Variants in PCBP3 observed in about 807,000 individuals in gnomAD.
The protein encoded by PCBP3 is poly(rC)-binding protein 3.
Under a neutral mutation model 52.7 loss-of-function variants are expected in PCBP3, and 25 were observed. The observed-to-expected ratio is 0.47, with a 90% CI of 0.35 to 0.66. The LOEUF is 0.66. Ranked by LOEUF, PCBP3 falls within the 30% of genes least tolerant of loss-of-function variation. The probability of loss-of-function intolerance (pLI) is 0.01; values close to 1 mark genes in which losing one functional copy is unlikely to be tolerated. For synonymous variants in PCBP3, 162 were observed against 183.0 expected, an observed-to-expected ratio of 0.89 and a Z score of 0.93; for missense variants, 391 against 490.3, an observed-to-expected ratio of 0.80 and a Z score of 1.91.
chr21:45,756,378 T>C (rs982587398), intron 4 of PCBP3, among the ~76,000 whole-genome samples: 2 of 152,176 alleles, frequency 1.3e-5, no homozygotes, highest in Admixed American at 1.3e-4. Flanking sequence ...TCCTCTAATG[T>C]AGGTCTTTTT....
At chr21:45,711,995 C>T (rs2083873092) in intron 2 of PCBP3, among the ~76,000 whole-genome samples, 1 of 152,146 alleles carries the variant, frequency 6.6e-6, no homozygotes, top group Non-Finnish European at 1.5e-5. Flanking sequence ...TTTGCCTTTT[C>T]CAGAATGTCA....
intron 9 of PCBP3, among the ~76,000 whole-genome samples, chr21:45,906,307 C>T (rs1046970834): frequency 2.0e-5 from 3 of 151,964 alleles, no homozygotes; most frequent in Admixed American, 2.0e-4. Flanking sequence ...GCCCTGAGGT[C>T]TTCGGCAGAT....
intron 4 of PCBP3, among the ~76,000 whole-genome samples, chr21:45,756,188 C>G (rs1394654614): frequency 6.6e-6 from 1 of 152,168 alleles, no homozygotes; most frequent in African/African-American, 2.4e-5. Context: ...ATTGTTTGTT[C>G]AGAGATCTGT....
intron 4 of PCBP3, among the ~76,000 whole-genome samples, chr21:45,810,218 C>CTGTGTGTG (rs149677854): frequency 0.056 from 8,277 of 148,060 alleles, 486 homozygotes; most frequent in African/African-American, 0.15. Flanking sequence ...TGATTCGATT[C>CTGTGTGTG]TGTGTGTGTG....
At chr21:45,727,712 G>A (rs897812600) in intron 2 of PCBP3, among the ~76,000 whole-genome samples, 1 of 152,170 alleles carries the variant, frequency 6.6e-6, no homozygotes, top group Non-Finnish European at 1.5e-5. Context: ...TGTGAGAGGA[G>A]GTGGTTGGGG....
At chr21:45,709,094 A>G (rs1040348479) in intron 2 of PCBP3, among the ~76,000 whole-genome samples, 2 of 152,242 alleles carry the variant, frequency 1.3e-5, no homozygotes, top group Non-Finnish European at 2.9e-5. Flanking sequence ...ACAACAGTCC[A>G]TGTCTTGCTG....
intron 4 of PCBP3, among the ~76,000 whole-genome samples, chr21:45,773,864 C>T (rs930230141): frequency 3.9e-5 from 6 of 152,156 alleles, no homozygotes; most frequent in African/African-American, 9.7e-5. Context: ...TTCGTATCCA[C>T]GAACATGGGA....
chr21:45,672,902 G>T (rs536470809), intron 2 of PCBP3, among the ~76,000 whole-genome samples: 1 of 152,158 alleles, frequency 6.6e-6, no homozygotes, highest in African/African-American at 2.4e-5. Context: ...GCCTAAGCCC[G>T]TGTCTTTCTG....
chr21:45,684,105 G>A (rs2082016534), intron 2 of PCBP3, among the ~76,000 whole-genome samples: 1 of 150,524 alleles, frequency 6.6e-6, no homozygotes, highest in Non-Finnish European at 1.5e-5. Context: ...GCACATGCCT[G>A]TAGTCCCAGC....
At chr21:45,730,005 C>A (rs1438059492) in intron 2 of PCBP3, among the ~76,000 whole-genome samples, 1 of 152,054 alleles carries the variant, frequency 6.6e-6, no homozygotes, top group African/African-American at 2.4e-5. Flanking sequence ...TTCAAGTGAT[C>A]TTCCCACTTT....
intron 4 of PCBP3, among the ~76,000 whole-genome samples, chr21:45,807,632 G>T (rs1194730512): frequency 6.6e-6 from 1 of 151,614 alleles, no homozygotes; most frequent in Non-Finnish European, 1.5e-5. Context: ...TAGATTCAGT[G>T]TTAGCTCCAT....
chr21:45,769,632 G>A (rs1036128954), intron 4 of PCBP3, among the ~76,000 whole-genome samples: 8 of 152,232 alleles, frequency 5.3e-5, no homozygotes, highest in Non-Finnish European at 8.8e-5. Context: ...CTGGGTTGGC[G>A]TGCAGGCCAG....
chr21:45,655,545 G>A (rs993830241), intron 1 of PCBP3, among the ~76,000 whole-genome samples: 1 of 152,092 alleles, frequency 6.6e-6, no homozygotes, highest in African/African-American at 2.4e-5. Context: ...TTTATGTACT[G>A]CTTATTGGCC....
At chr21:45,794,287 G>A (rs1036160695) in intron 4 of PCBP3, among the ~76,000 whole-genome samples, 2 of 152,174 alleles carry the variant, frequency 1.3e-5, no homozygotes, top group African/African-American at 2.4e-5. Context: ...GTAGTGGTGC[G>A]TGCATGTAGT....
chr21:45,900,512 G>A, intron 7 of PCBP3, 79 bp from the exon 8 acceptor site: 3 of 1,135,298 alleles, frequency 2.6e-6, no homozygotes, highest in Non-Finnish European at 2.7e-6. Context: ...GGGCCAGGCT[G>A]CTCCCCACCC....
At chr21:45,792,284 G>A (rs1050852985) in intron 4 of PCBP3, among the ~76,000 whole-genome samples, 8 of 152,284 alleles carry the variant, frequency 5.3e-5, no homozygotes, top group East Asian at 1.9e-4. Context: ...CAAGAGAACC[G>A]CTGGGGCAGC....
intron 2 of PCBP3, among the ~76,000 whole-genome samples, chr21:45,698,947 C>G (rs1375475304): frequency 6.6e-6 from 1 of 152,132 alleles, no homozygotes; most frequent in Non-Finnish European, 1.5e-5. Context: ...TAATGTTCTC[C>G]CAGCTATTCA....
rs193051322 is a variant in PCBP3 at position 45,695,568 on chromosome 21, C to G, written c.-200+26616C>G. On this transcript the variant is annotated intron_variant, in intron 2 of 17. Coordinates refer to ENST00000681687, the MANE Select transcript of PCBP3 (RefSeq NM_001384156.1). The stretch of plus-strand genomic sequence containing the variant: ...TCTGAGTTTCTTCCATTTCTTAGGA[C>G]TTTCCTTTACTGGCTTTTACATTTG... Among the ~76,000 whole-genome samples the G allele has an allele frequency of 2.6e-5, 4 of 152,306 alleles. No individual in the cohort carries two copies. In the East Asian group the frequency reaches 7.7e-4, roughly 29 times the overall value.
rs541081853 is a variant in PCBP3 at position 45,773,729 on chromosome 21, T to G, written c.-126+18277T>G. 4.7e-4 allele frequency among the ~76,000 whole-genome samples: 71 copies of G among 152,368 alleles called. 1 individual carries two copies. Among genetic ancestry groups the G allele is most frequent in the Middle Eastern group, 6.8e-3 (2 of 294 alleles). The stretch of plus-strand genomic sequence containing the variant: ...TTGCTTTAGCTATTTGTGCCCTTTT[T>G]TGGTTCCATATGGATTTTAGAATTT... On this transcript the variant is annotated intron_variant, in intron 4 of 17. Transcript: ENST00000681687.
Sources: allele counts gnomAD v4.1 joint callset (sites outside exome capture counted in the v4.1 genomes callset), GRCh38; gene constraint gnomAD v4.1.1; transcripts MANE v1.5; gene names NCBI Gene and HGNC (gene_info 2026-07-23, HGNC 2026-07-21).